Variants in ATP11B observed in about 807,000 individuals in gnomAD.
ATP11B encodes ATPase phospholipid transporting 11B (putative), also known as phospholipid-transporting ATPase IF.
Under a neutral mutation model 157.8 loss-of-function variants are expected in ATP11B, and 81 were observed. The observed-to-expected ratio is 0.51, with a 90% confidence interval of 0.43 to 0.62. ATP11B has a LOEUF of 0.62. Among genes scored for constraint, ATP11B ranks in the 20% least tolerant of loss-of-function variants. The probability of loss-of-function intolerance (pLI) is 0.00; values close to 1 mark genes in which losing one functional copy is unlikely to be tolerated. For missense variants in ATP11B, 1,165 were observed against 1,402.2 expected (o/e 0.83, Z 2.70); for synonymous variants, 451 against 469.4 (o/e 0.96, Z 0.51).
chr3:182,850,860 A>T (rs1719919841), intron 10 of ATP11B, among the ~76,000 whole-genome samples: 1 of 152,322 alleles, frequency 6.6e-6, no homozygotes, highest in South Asian at 2.1e-4. Context: ...ACGGATGGAT[A>T]AAAAAATGTA....
intron 28 of ATP11B, among the ~76,000 whole-genome samples, chr3:182,907,071 C>T (rs576156004): frequency 1.6e-4 from 24 of 145,842 alleles, no homozygotes; most frequent in Admixed American, 4.8e-4. Flanking sequence ...CCAGCCTGAG[C>T]GACAGAGTGA....
chr3:182,848,570 T>C lies in ATP11B; in HGVS notation c.851+13T>C. ...CTGCAGTAGAAAAGTAAGAAAACTGTTTTCATTTATTTATATGTAATTATA... is the reference window on the plus strand; with the variant it reads ...CTGCAGTAGAAAAGTAAGAAAACTGCTTTCATTTATTTATATGTAATTATA... On this transcript the variant is annotated intron_variant, in intron 10 of 29. Transcript: ENST00000323116. 6.9e-7 allele frequency: 1 copy of C among 1,459,184 alleles called. No homozygotes were observed. The highest frequency in any genetic ancestry group is 9.3e-7 in the Non-Finnish European group (1 of 1,080,792). The allele number at this position is 1,459,184 out of a possible 1,614,324, so 90.4% of individuals were successfully genotyped here. A position where few individuals can be genotyped will look rare whatever the true frequency, so the allele number is the denominator to read the frequency against.
rs1367230163 is a variant in ATP11B, at chr3:182,897,327, A to G, written c.3073A>G (p.Thr1025Ala). 1.3e-6 allele frequency: 2 copies of G among 1,575,408 alleles called. No individual in the cohort carries two copies. Among genetic ancestry groups the G allele is most frequent in the South Asian group, 1.2e-5 (1 of 82,828 alleles). The stretch of plus-strand genomic sequence containing the variant: ...GATGGCTCTGGAAACTCATTTTTGG[A>G]CTTGGATCAACCATCTCGTTACCTG... ...VKMALETHFW[T>A]WINHLVTWGS... The change falls in exon 27 of 30, where the codon ACT becomes GCT. Residue 1025 changes from threonine to alanine, a missense_variant. This residue lies in a region of ATP11B where 303 missense variants were observed against 296.3 expected (regional missense o/e 1.02). Transcript: ENST00000323116.
intron 4 of ATP11B, 66 bp from the exon 5 acceptor site, chr3:182,835,969 C>G: frequency 7.3e-7 from 1 of 1,362,494 alleles, no homozygotes. Flanking sequence ...AGTTTTTTTT[C>G]TTATTTGATA....
At chr3:182,851,892 G>C (rs1020774126) in intron 10 of ATP11B, among the ~76,000 whole-genome samples, 2 of 152,188 alleles carry the variant, frequency 1.3e-5, no homozygotes, top group Non-Finnish European at 2.9e-5. Flanking sequence ...ACTATATGCT[G>C]TCTAGAAGAA....
At chr3:182,850,858 A>AT (rs1182049568) in intron 10 of ATP11B, among the ~76,000 whole-genome samples, 1 of 152,230 alleles carries the variant, frequency 6.6e-6, no homozygotes, top group Non-Finnish European at 1.5e-5. Context: ...AGACGGATGG[A>AT]TAAAAAAATG....
At chr3:182,797,897 A>G (rs776240853) in intron 1 of ATP11B, among the ~76,000 whole-genome samples, 2 of 151,956 alleles carry the variant, frequency 1.3e-5, no homozygotes, top group African/African-American at 4.8e-5. Flanking sequence ...CTCATGTTCT[A>G]TTTCTATTAG....
intron 23 of ATP11B, among the ~76,000 whole-genome samples, chr3:182,886,874 A>G (rs1289429884): frequency 5.3e-5 from 8 of 152,280 alleles, no homozygotes; most frequent in African/African-American, 1.9e-4. Flanking sequence ...CTAAATTCCA[A>G]ATATTTGCTT....
Position 182,871,079 on chromosome 3 carries a change from A to T in ATP11B, c.1867-1277A>T, listed in dbSNP as rs1577055239. On this transcript the variant is annotated intron_variant, in intron 17 of 29. Coordinates refer to ENST00000323116, the MANE Select transcript of ATP11B (RefSeq NM_014616.3). ...CACTTTGGGATGCTGAGGCAGTATC[A>T]CTTGTGGCCAGGAGTTTGAGACCAG... 2.0e-5 allele frequency among the ~76,000 whole-genome samples: 3 copies of T among 152,248 alleles called. No homozygotes were observed. In the East Asian group the frequency reaches 5.8e-4, roughly 29 times the overall value.
chr3:182,873,739 A>T, intron 18 of ATP11B, 73 bp from the exon 19 acceptor site: 1 of 1,219,300 alleles, frequency 8.2e-7, no homozygotes, highest in Non-Finnish European at 1.2e-6. Flanking sequence ...ATCCTTAAAT[A>T]TACTATGTAG....
rs556887572 is a variant in ATP11B, at chr3:182,844,523, G to T, written c.705-935G>T. ...TCAATTTCCTTTCTAGTTATTCCTT[G>T]TCGTTTTATATCTCCTTTATGGAGA... On this transcript the variant is annotated intron_variant, in intron 8 of 29. Coordinates refer to ENST00000323116, the MANE Select transcript of ATP11B (RefSeq NM_014616.3). The T allele has an allele frequency of 8.1e-4, 796 of 978,494 alleles. 3 individuals are homozygous for T. In the Middle Eastern group the frequency reaches 0.017, roughly 21 times the overall value. 60.6% of individuals were successfully genotyped at this position (978,494 alleles called of 1,614,324 possible). A position where few individuals can be genotyped will look rare whatever the true frequency, so the allele number is the denominator to read the frequency against.
chr3:182,843,118 T>A lies in ATP11B; in HGVS notation c.704+996T>A, dbSNP rs531737313. On this transcript the variant is annotated intron_variant, in intron 8 of 29. Coordinates refer to ENST00000323116, the MANE Select transcript of ATP11B (RefSeq NM_014616.3). ...AATGTAATGTTAGATTTCCCTCAACTTGTAACCCATTTATTCATTCATTTA... is the reference window on the plus strand; with the variant it reads ...AATGTAATGTTAGATTTCCCTCAACATGTAACCCATTTATTCATTCATTTA... Among the ~76,000 whole-genome samples, 12 of 152,332 alleles carry A rather than the reference T, an allele frequency of 7.9e-5. No homozygotes were observed. The South Asian group carries it at 2.3e-3, about 29-fold the overall frequency.
chr3:182,803,113 A>T (rs1716113315), intron 1 of ATP11B, among the ~76,000 whole-genome samples: 1 of 152,180 alleles, frequency 6.6e-6, no homozygotes, highest in African/African-American at 2.4e-5. Flanking sequence ...AAATACCCAG[A>T]AGTGGAATTG....
At chr3:182,893,113 G>A (rs1723283372) in intron 25 of ATP11B, among the ~76,000 whole-genome samples, 1 of 152,140 alleles carries the variant, frequency 6.6e-6, no homozygotes, top group Non-Finnish European at 1.5e-5. Flanking sequence ...TCTTACCATG[G>A]ACATTTGTCA....
chr3:182,918,664 A>C lies in ATP11B; in HGVS notation c.*560A>C. 2 of 298,482 alleles carry C rather than the reference A, an allele frequency of 6.7e-6. No homozygotes were observed. The highest frequency in any genetic ancestry group is 2.1e-5 in the African/African-American group (1 of 46,688). 18.5% of individuals were successfully genotyped at this position (298,482 alleles called of 1,614,324 possible). On this transcript the variant is annotated 3_prime_UTR_variant, in exon 30 of 30. Transcript: ENST00000323116. ...TAATGCATTCTGAGTTCACAGAGCA[A>C]ATTAGGAGAATCATTTCCAACCATT... is the stretch of plus-strand genomic sequence containing the variant.
intron 1 of ATP11B, among the ~76,000 whole-genome samples, chr3:182,798,212 A>G (rs1715753832): frequency 6.6e-6 from 1 of 152,208 alleles, no homozygotes; most frequent in South Asian, 2.1e-4. Context: ...TAGACTGTAA[A>G]TATCTTAGGA....
At chr3:182,797,041 T>C (rs1328720235) in intron 1 of ATP11B, among the ~76,000 whole-genome samples, 4 of 152,194 alleles carry the variant, frequency 2.6e-5, no homozygotes, top group Admixed American at 2.6e-4. Context: ...TTCCTCACAC[T>C]CACCGAACTT....
At chr3:182,894,308 TC>T (rs1476695710) in intron 25 of ATP11B, among the ~76,000 whole-genome samples, 1 of 152,246 alleles carries the variant, frequency 6.6e-6, no homozygotes, top group Non-Finnish European at 1.5e-5. Context: ...TGCCTCAGCC[TC>T]CCCAGTAGCT....
chr3:182,906,019 TA>T (rs1050284720), intron 28 of ATP11B: 54 of 354,444 alleles, frequency 1.5e-4, no homozygotes, highest in Non-Finnish European at 3.0e-4. Context: ...ATTTCTTTAC[TA>T]ATTCCTTCAC....
Sources: gnomAD v4.1 joint callset for allele counts (sites outside exome capture counted in the v4.1 genomes callset) on GRCh38, gnomAD v4.1.1 for gene constraint, gnomAD v4.1.1 regional missense constraint, MANE v1.5 for transcripts, NCBI Gene and HGNC (gene_info 2026-07-23, HGNC 2026-07-21) for gene names.